The following PTPRO variants were observed in gnomAD, a reference collection of about 807,000 sequenced individuals.
PTPRO encodes the protein receptor-type tyrosine-protein phosphatase O.
A neutral mutation model predicts 145.2 loss-of-function variants in PTPRO; 62 were observed. The ratio of observed to expected loss-of-function variants is 0.43; its 90% CI spans 0.35 to 0.53. The LOEUF (loss-of-function observed/expected upper bound fraction) is 0.53, where lower values mean the gene tolerates loss of function less well. Among genes scored for constraint, PTPRO ranks in the 20% least tolerant of loss-of-function variants. The pLI is 0.01. For missense variants in PTPRO, 1,345 were observed against 1,482.7 expected (o/e 0.91, Z 1.53); for synonymous variants, 565 against 514.7 (o/e 1.10, Z -1.32).
chr12:15,497,864 CA>C (rs1942139964), intron 3 of PTPRO, among the ~76,000 whole-genome samples: 1 of 152,094 alleles, frequency 6.6e-6, no homozygotes, highest in African/African-American at 2.4e-5. Context: ...CATTAACATA[CA>C]AAAATTAGTT....
chr12:15,528,703 C>G (rs1942896191), intron 12 of PTPRO, among the ~76,000 whole-genome samples: 1 of 151,894 alleles, frequency 6.6e-6, no homozygotes, highest in Non-Finnish European at 1.5e-5. Context: ...AGATACCACT[C>G]AAATAAAATC....
chr12:15,354,336 T>C (rs1160077596), intron 1 of PTPRO, among the ~76,000 whole-genome samples: 2 of 152,202 alleles, frequency 1.3e-5, no homozygotes, highest in East Asian at 1.9e-4. Context: ...ATGTGATGTT[T>C]GTTCTTGCCT....
intron 18 of PTPRO, among the ~76,000 whole-genome samples, chr12:15,568,874 G>A (rs1362796417): frequency 1.3e-5 from 2 of 152,152 alleles, no homozygotes; most frequent in Non-Finnish European, 2.9e-5. Flanking sequence ...GCTTTGGGGA[G>A]ACTGTAGCTA....
chr12:15,567,190 C>T (rs184758674), intron 18 of PTPRO, among the ~76,000 whole-genome samples: 1 of 152,156 alleles, frequency 6.6e-6, no homozygotes, highest in East Asian at 1.9e-4. Flanking sequence ...TCCACCTTCC[C>T]CCCTCTCATT....
intron 19 of PTPRO, among the ~76,000 whole-genome samples, chr12:15,574,846 A>T (rs1407369275): frequency 6.6e-6 from 1 of 152,198 alleles, no homozygotes; most frequent in Non-Finnish European, 1.5e-5. Flanking sequence ...CCTATCCCAA[A>T]GCAAACACCG....
intron 1 of PTPRO, among the ~76,000 whole-genome samples, chr12:15,349,888 T>C (rs1027470393): frequency 3.3e-5 from 5 of 152,038 alleles, no homozygotes; most frequent in African/African-American, 4.8e-5. Context: ...AGTTTTTGGA[T>C]TTGAGTTCTA....
intron 1 of PTPRO, chr12:15,439,941 G>T: frequency 1.5e-6 from 1 of 681,230 alleles, no homozygotes; most frequent in Admixed American, 2.0e-5. Context: ...ATCGGTCTGG[G>T]TGTTAAGTGC....
In PTPRO at chr12:15,355,841, G is replaced by A. The variant is rs531027687; in HGVS notation, c.75+33040G>A. ...AAAAATAACAAAAAAGTATCTATTCGTTTGAGGAGGTAGCTGGTATTTGCT... is the reference window on the plus strand; with the variant it reads ...AAAAATAACAAAAAAGTATCTATTCATTTGAGGAGGTAGCTGGTATTTGCT... On this transcript the variant is annotated intron_variant, in intron 1 of 26. Transcript: ENST00000281171. 6.4e-4 allele frequency among the ~76,000 whole-genome samples: 98 copies of A among 152,240 alleles called. 2 individuals carry two copies. In the Middle Eastern group the frequency reaches 0.01, roughly 16 times the overall value.
intron 2 of PTPRO, among the ~76,000 whole-genome samples, chr12:15,495,908 A>T (rs1387167244): frequency 6.6e-6 from 1 of 152,096 alleles, no homozygotes; most frequent in Non-Finnish European, 1.5e-5. Context: ...GCAGGACAAG[A>T]AAGGGGGGAA....
chr12:15,593,736 A>G (rs971831204), intron 25 of PTPRO, among the ~76,000 whole-genome samples: 3 of 152,180 alleles, frequency 2.0e-5, no homozygotes, highest in Non-Finnish European at 4.4e-5. Context: ...TGTCCACACC[A>G]TTTATTAGCA....
chr12:15,585,859 G>C (rs1164383816), intron 23 of PTPRO, among the ~76,000 whole-genome samples: 1 of 152,158 alleles, frequency 6.6e-6, no homozygotes, highest in African/African-American at 2.4e-5. Flanking sequence ...AAAAAGAGTT[G>C]ATCTGGAAAG....
chr12:15,448,023 A>G (rs1456004887), intron 1 of PTPRO, among the ~76,000 whole-genome samples: 2 of 152,154 alleles, frequency 1.3e-5, no homozygotes, highest in African/African-American at 2.4e-5. Flanking sequence ...TCCATTTTCA[A>G]ATATTCCAAA....
intron 1 of PTPRO, among the ~76,000 whole-genome samples, chr12:15,476,747 A>G (rs1246975898): frequency 4.6e-5 from 7 of 151,924 alleles, no homozygotes; most frequent in Non-Finnish European, 5.9e-5. Context: ...AACACATGAA[A>G]AAATGCTCAT....
chr12:15,372,492 C>T (rs928654151), intron 1 of PTPRO, among the ~76,000 whole-genome samples: 3 of 152,122 alleles, frequency 2.0e-5, no homozygotes, highest in Non-Finnish European at 4.4e-5. Flanking sequence ...AGCGAAAATG[C>T]AATTTGATAG....
intron 11 of PTPRO, 72 bp from the exon 12 acceptor site, chr12:15,526,070 C>T: frequency 6.3e-7 from 1 of 1,580,696 alleles, no homozygotes; most frequent in Non-Finnish European, 8.7e-7. Flanking sequence ...TGCTATAGTC[C>T]TTTAGTTGTT....
At chr12:15,379,530 CAAAAAAA>C (rs1211403772) in intron 1 of PTPRO, among the ~76,000 whole-genome samples, 2 of 49,454 alleles carry the variant, frequency 4.0e-5, no homozygotes, top group African/African-American at 6.2e-5. Flanking sequence ...AGCTCCATCT[CAAAAAAA>C]AAAAAAAAAA....
intron 1 of PTPRO, among the ~76,000 whole-genome samples, chr12:15,370,662 C>A (rs904332183): frequency 1.3e-5 from 2 of 151,548 alleles, no homozygotes; most frequent in African/African-American, 4.9e-5. Flanking sequence ...AACATTTTTG[C>A]AAATCAATAG....
intron 1 of PTPRO, among the ~76,000 whole-genome samples, chr12:15,378,362 T>C (rs1207082145): frequency 3.3e-5 from 5 of 151,978 alleles, no homozygotes; most frequent in African/African-American, 4.8e-5. Context: ...TTATAGTATA[T>C]ATTCTTAAAA....
Position 15,562,230 on chromosome 12 carries a change from G to A in PTPRO, c.2711+1954G>A, listed in dbSNP as rs537113635. 7.8e-4 allele frequency among the ~76,000 whole-genome samples: 119 copies of A among 152,204 alleles called. 2 individuals are homozygous for A. Among genetic ancestry groups the A allele is most frequent in the Non-Finnish European group, 4.3e-4 (29 of 67,976 alleles). On this transcript the variant is annotated intron_variant, in intron 17 of 26. Coordinates refer to ENST00000281171, the MANE Select transcript of PTPRO (RefSeq NM_030667.3). ...GAAGTGAAATTCATGCTCCCCGCTC[G>A]TGGAAATACAGCTTCTACTCACACA...
Sources: allele counts gnomAD v4.1 joint callset (sites outside exome capture counted in the v4.1 genomes callset), GRCh38; gene constraint gnomAD v4.1.1; transcripts MANE v1.5; gene names NCBI Gene and HGNC (gene_info 2026-07-23, HGNC 2026-07-21).